The following CCSER1 variants were observed in gnomAD, a reference collection of about 807,000 sequenced individuals.
The protein encoded by CCSER1 is serine-rich coiled-coil domain-containing protein 1.
A neutral mutation model predicts 82.0 loss-of-function variants in CCSER1; 41 were observed. The observed-to-expected ratio is 0.50, with a 90% CI of 0.39 to 0.65. The LOEUF is 0.65. Ranked by LOEUF, CCSER1 falls within the 30% of genes least tolerant of loss-of-function variation. The pLI, the probability that CCSER1 is intolerant of heterozygous loss-of-function variation, is 0.00. For synonymous variants in CCSER1, 414 were observed against 383.9 expected, an observed-to-expected ratio of 1.08 and a Z score of -0.92; for missense variants, 1,119 against 1,064.2, an observed-to-expected ratio of 1.05 and a Z score of -0.72.
chr4:91,193,875 G>A (rs917631393), intron 10 of CCSER1, among the ~76,000 whole-genome samples: 3 of 151,286 alleles, frequency 2.0e-5, no homozygotes, highest in Non-Finnish European at 4.4e-5. Flanking sequence ...CTATGTTTTG[G>A]GTAAGAGGGG....
At chr4:90,659,787 A>G (rs369064652) in intron 6 of CCSER1, among the ~76,000 whole-genome samples, 6 of 152,226 alleles carry the variant, frequency 3.9e-5, no homozygotes, top group African/African-American at 1.4e-4. Flanking sequence ...TAGTTGTGCT[A>G]TCCTGAAGAG....
At chr4:91,241,562 T>G (rs75137855) in intron 10 of CCSER1, among the ~76,000 whole-genome samples, 18,208 of 150,172 alleles carry the variant, frequency 0.12, 1,282 homozygotes, top group Middle Eastern at 0.17. Flanking sequence ...TCCTGACCTC[T>G]TGATCCACCC....
intron 10 of CCSER1, among the ~76,000 whole-genome samples, chr4:91,398,504 A>G (rs1392002894): frequency 6.6e-6 from 1 of 151,948 alleles, no homozygotes; most frequent in Non-Finnish European, 1.5e-5. Context: ...CTTATTTAAA[A>G]GATAATAAAA....
intron 8 of CCSER1, among the ~76,000 whole-genome samples, chr4:90,906,192 A>G (rs1026504654): frequency 6.6e-6 from 1 of 152,134 alleles, no homozygotes; most frequent in Non-Finnish European, 1.5e-5. Flanking sequence ...TTTGCTATTC[A>G]GATAATACAT....
intron 5 of CCSER1, among the ~76,000 whole-genome samples, chr4:90,500,727 A>G (rs1769733901): frequency 1.3e-5 from 2 of 152,184 alleles, no homozygotes; most frequent in Non-Finnish European, 1.5e-5. Context: ...CAAACAAGCA[A>G]GAAAACAAAC....
At chr4:90,199,003 T>TA in intron 1 of CCSER1, among the ~76,000 whole-genome samples, 1 of 152,184 alleles carries the variant, frequency 6.6e-6, no homozygotes, top group African/African-American at 2.4e-5. Context: ...TGTCAATCTT[T>TA]TCACTAATCT....
intron 10 of CCSER1, among the ~76,000 whole-genome samples, chr4:91,167,145 AATAAGT>A (rs1274976725): frequency 2.6e-5 from 4 of 151,728 alleles, no homozygotes. Context: ...ATCAGATTTG[AATAAGT>A]ATAAAAATTA....
At chr4:91,475,494 A>C (rs527951610) in intron 10 of CCSER1, among the ~76,000 whole-genome samples, 1 of 151,922 alleles carries the variant, frequency 6.6e-6, no homozygotes, top group African/African-American at 2.4e-5. Flanking sequence ...GGGGGGTAAT[A>C]ATACCTTCTA....
At chr4:90,459,470 A>C (rs967855394) in intron 4 of CCSER1, among the ~76,000 whole-genome samples, 1 of 152,224 alleles carries the variant, frequency 6.6e-6, no homozygotes, top group Admixed American at 6.5e-5. Flanking sequence ...TTGGTGGCTT[A>C]AACAACAAAC....
chr4:90,385,723 A>G (rs946240045), intron 3 of CCSER1, among the ~76,000 whole-genome samples: 1 of 150,738 alleles, frequency 6.6e-6, no homozygotes. Flanking sequence ...TTTAATTTGC[A>G]TTTCCCTGAT....
chr4:91,498,764 C>T (rs1368994077), intron 10 of CCSER1, among the ~76,000 whole-genome samples: 1 of 151,844 alleles, frequency 6.6e-6, no homozygotes, highest in Non-Finnish European at 1.5e-5. Flanking sequence ...ATCCACTTCT[C>T]TTTTTATGCA....
intron 10 of CCSER1, among the ~76,000 whole-genome samples, chr4:91,498,556 A>T (rs1034338354): frequency 2.0e-5 from 3 of 151,814 alleles, no homozygotes; most frequent in African/African-American, 7.2e-5. Context: ...GATAAATATT[A>T]TGTTCTTAAT....
At chr4:90,529,149 A>G (rs995886868) in intron 5 of CCSER1, among the ~76,000 whole-genome samples, 1 of 152,132 alleles carries the variant, frequency 6.6e-6, no homozygotes, top group Admixed American at 6.5e-5. Flanking sequence ...TTTATGTTGT[A>G]GTACATGTAT....
intron 5 of CCSER1, among the ~76,000 whole-genome samples, chr4:90,619,701 T>C (rs1721952417): frequency 6.6e-6 from 1 of 152,062 alleles, no homozygotes. Context: ...TCCAATTAAA[T>C]AATTAATTAG....
intron 10 of CCSER1, among the ~76,000 whole-genome samples, chr4:91,507,737 A>G (rs1258831588): frequency 6.6e-6 from 1 of 151,742 alleles, no homozygotes; most frequent in Non-Finnish European, 1.5e-5. Context: ...CCTTAGAAGC[A>G]ATTTAAAAAA....
At chr4:90,971,549 C>T (rs2150399858) in intron 9 of CCSER1, among the ~76,000 whole-genome samples, 1 of 152,014 alleles carries the variant, frequency 6.6e-6, no homozygotes, top group African/African-American at 2.4e-5. Context: ...AAGCCTGCAA[C>T]CAGATGGTTT....
chr4:90,541,662 C>G (rs556501017), intron 5 of CCSER1, among the ~76,000 whole-genome samples: 1 of 151,970 alleles, frequency 6.6e-6, no homozygotes, highest in Non-Finnish European at 1.5e-5. Context: ...CTCTCTCACT[C>G]TCTCTCAATA....
At chr4:90,486,233 A>C (rs929987090) in intron 5 of CCSER1, among the ~76,000 whole-genome samples, 4 of 152,106 alleles carry the variant, frequency 2.6e-5, no homozygotes, top group Admixed American at 1.3e-4. Flanking sequence ...ATCTTTTCCC[A>C]ATATTCTCTT....
At chr4:91,230,554 A>G (rs1738543841) in intron 10 of CCSER1, among the ~76,000 whole-genome samples, 1 of 152,010 alleles carries the variant, frequency 6.6e-6, no homozygotes, top group Admixed American at 6.6e-5. Flanking sequence ...GATTTTTAAA[A>G]TTACTTTTTA....
Sources: gnomAD v4.1 joint callset for allele counts (sites outside exome capture counted in the v4.1 genomes callset) on GRCh38, gnomAD v4.1.1 for gene constraint, MANE v1.5 for transcripts, NCBI Gene and HGNC (gene_info 2026-07-23, HGNC 2026-07-21) for gene names.